PARP8: variants seen among roughly 807,000 people sequenced by gnomAD.
PARP8 encodes the protein protein mono-ADP-ribosyltransferase PARP8.
PARP8 carries 51 observed loss-of-function variants against 124.1 expected under a neutral mutation model. That is an observed-to-expected ratio of 0.41 (90% confidence interval 0.33 to 0.52). PARP8 has a LOEUF of 0.52. PARP8 is among the 20% of genes least tolerant of loss of function. PARP8 has a pLI of 0.21. For synonymous variants in PARP8, 391 were observed against 361.5 expected (o/e 1.08, Z -0.93); for missense variants, 860 against 1,018.9 (o/e 0.84, Z 2.12).
intron 10 of PARP8, among the ~76,000 whole-genome samples, chr5:50,790,694 A>C (rs1181903366): frequency 2.0e-5 from 3 of 152,198 alleles, no homozygotes; most frequent in African/African-American, 7.2e-5. Flanking sequence ...TCATGTATAT[A>C]ATCCCAACTC....
At chr5:50,837,693 G>T (rs1747737272) in intron 25 of PARP8, among the ~76,000 whole-genome samples, 1 of 151,756 alleles carries the variant, frequency 6.6e-6, no homozygotes, top group Non-Finnish European at 1.5e-5. Flanking sequence ...TTTCCAGCAA[G>T]TAAGCAGCAC....
At chr5:50,838,043 T>G (rs1331376030) in intron 25 of PARP8, among the ~76,000 whole-genome samples, 1 of 152,122 alleles carries the variant, frequency 6.6e-6, no homozygotes, top group Non-Finnish European at 1.5e-5. Context: ...TCAAAAGGGC[T>G]GGAGATGTGA....
At chr5:50,669,738 A>G (rs1579885728) in intron 2 of PARP8, among the ~76,000 whole-genome samples, 2 of 152,250 alleles carry the variant, frequency 1.3e-5, no homozygotes, top group East Asian at 3.8e-4. Context: ...AGTTTTCACC[A>G]TAGGAAGAAG....
chr5:50,845,757 A>G lies in PARP8; in HGVS notation c.*3689A>G, dbSNP rs1452003702. The G allele has an allele frequency of 2.0e-5, 3 of 151,726 alleles. No homozygotes were observed. The highest frequency in any genetic ancestry group is 3.0e-5 in the Non-Finnish European group (2 of 67,770). 9.4% of individuals were successfully genotyped at this position (151,726 alleles called of 1,614,324 possible). ...TGAGATTGATTTTCTACGTGGGCCA[A>G]TTTTATGTCCATTACCTAAAGCCAC... On this transcript the variant is annotated 3_prime_UTR_variant, in exon 26 of 26. Transcript: ENST00000281631.
At chr5:50,789,267 C>T (rs952219230) in intron 10 of PARP8, among the ~76,000 whole-genome samples, 2 of 151,968 alleles carry the variant, frequency 1.3e-5, no homozygotes, top group Non-Finnish European at 2.9e-5. Flanking sequence ...AAAGAAAACA[C>T]TGATAGAGCC....
intron 2 of PARP8, among the ~76,000 whole-genome samples, chr5:50,683,355 C>T (rs1344464978): frequency 3.7e-4 from 56 of 152,086 alleles, no homozygotes; most frequent in Non-Finnish European, 1.5e-5. Flanking sequence ...TCCCAGGAGA[C>T]AGGGAGATGT....
In PARP8 at chr5:50,843,035, A is replaced by G. The variant is rs1482275981; in HGVS notation, c.*967A>G. The G allele has an allele frequency of 6.6e-6, 1 of 151,680 alleles. No individual in the cohort carries two copies. Among genetic ancestry groups the G allele is most frequent in the Non-Finnish European group, 1.5e-5 (1 of 67,772 alleles). The allele number at this position is 151,680 out of a possible 1,614,324, so 9.4% of individuals were successfully genotyped here. A position where few individuals can be genotyped will look rare whatever the true frequency, so the allele number is the denominator to read the frequency against. On this transcript the variant is annotated 3_prime_UTR_variant, in exon 26 of 26. Transcript: ENST00000281631. ...TATACAATTTTATTTATGCCACACC[A>G]GCATTTTTATATTTGTTCATCTAAT...
rs1580144140 is a variant in PARP8, at chr5:50,735,863, G to A, written c.147-14288G>A. The stretch of plus-strand genomic sequence containing the variant: ...AACCTTATCTAGGTCAGGTAGGGCA[G>A]TGGGGGTGGAAGCTGGGGGAGGGCT... On this transcript the variant is annotated intron_variant, in intron 2 of 25. Coordinates refer to ENST00000281631, the MANE Select transcript of PARP8 (RefSeq NM_024615.4). Among the ~76,000 whole-genome samples, 3 of 151,940 alleles carry A rather than the reference G, an allele frequency of 2.0e-5. No homozygotes were observed. The South Asian group carries it at 6.3e-4, about 32-fold the overall frequency.
At chr5:50,718,177 G>T (rs1178287101) in intron 2 of PARP8, among the ~76,000 whole-genome samples, 1 of 151,944 alleles carries the variant, frequency 6.6e-6, no homozygotes, top group Non-Finnish European at 1.5e-5. Context: ...AGTTGAAGAG[G>T]TGAGAATATA....
At chr5:50,793,225 C>T (rs1279250505) in intron 10 of PARP8, among the ~76,000 whole-genome samples, 2 of 152,062 alleles carry the variant, frequency 1.3e-5, no homozygotes, top group Admixed American at 1.3e-4. Context: ...GATCCCAAAG[C>T]AATGTGTTAG....
rs556253513 is a variant in PARP8 at position 50,668,032 on chromosome 5, C to A, written c.92-39C>A. On this transcript the variant is annotated intron_variant, in intron 1 of 25. Coordinates refer to ENST00000281631, the MANE Select transcript of PARP8 (RefSeq NM_024615.4). ...GTCCTGATCGGGGTTAAAACAAATC[C>A]ACTCCAGGGGTAGCTTTTGACGGGA... 9.9e-6 allele frequency: 16 copies of A among 1,611,802 alleles called. 1 individual carries two copies. The highest frequency in any genetic ancestry group is 1.7e-5 in the Admixed American group (1 of 60,030).
chr5:50,806,105 G>T (rs547963522), intron 14 of PARP8, among the ~76,000 whole-genome samples: 1 of 151,992 alleles, frequency 6.6e-6, no homozygotes, highest in East Asian at 1.9e-4. Context: ...TGTGATCTGG[G>T]TATTCACAGT....
chr5:50,800,244 A>G (rs1743049566), intron 14 of PARP8, among the ~76,000 whole-genome samples: 1 of 152,142 alleles, frequency 6.6e-6, no homozygotes, highest in Non-Finnish European at 1.5e-5. Flanking sequence ...GTTCTTTGCT[A>G]TTATATAGAA....
intron 2 of PARP8, among the ~76,000 whole-genome samples, chr5:50,747,154 G>GTTTTTTTTTTTT (rs370243477): frequency 2.5e-4 from 31 of 121,880 alleles, no homozygotes; most frequent in African/African-American, 7.2e-4. Context: ...TTTTTTGTTT[G>GTTTTTTTTTTTT]TTTGTTTTGT....
intron 14 of PARP8, among the ~76,000 whole-genome samples, chr5:50,809,659 G>A (rs1031150433): frequency 4.6e-5 from 7 of 151,890 alleles, no homozygotes; most frequent in African/African-American, 1.2e-4. Flanking sequence ...TTATAGATAG[G>A]AAAAATGAGC....
rs1286891877 is a variant in PARP8, at chr5:50,814,012, C to T, written c.1576-1420C>T. On this transcript the variant is annotated intron_variant, in intron 14 of 25. Coordinates refer to ENST00000281631, the MANE Select transcript of PARP8 (RefSeq NM_024615.4). ...AGAGTATTGTTAAAAACAAAGTGCC[C>T]TTTGTGTCACTGTTTACTTCCTCAG... Among the ~76,000 whole-genome samples, 9 of 152,038 alleles carry T rather than the reference C, an allele frequency of 5.9e-5. No homozygotes were observed. In the East Asian group the frequency reaches 1.5e-3, roughly 26 times the overall value.
At chr5:50,761,554 A>T (rs1430752452) in intron 5 of PARP8, among the ~76,000 whole-genome samples, 6 of 152,098 alleles carry the variant, frequency 3.9e-5, no homozygotes, top group Non-Finnish European at 8.8e-5. Flanking sequence ...TTGATTATAC[A>T]TAAGTTTTTA....
intron 14 of PARP8, among the ~76,000 whole-genome samples, chr5:50,801,461 G>A (rs1457866924): frequency 2.6e-5 from 4 of 152,088 alleles, no homozygotes; most frequent in African/African-American, 4.8e-5. Flanking sequence ...GAATTGGTCC[G>A]TTTTGTCTCA....
chr5:50,811,144 A>G (rs1299664117), intron 14 of PARP8, among the ~76,000 whole-genome samples: 1 of 152,046 alleles, frequency 6.6e-6, no homozygotes, highest in Non-Finnish European at 1.5e-5. Flanking sequence ...TAAACCAAAA[A>G]CATACAGGAA....
Sources: allele counts gnomAD v4.1 joint callset (sites outside exome capture counted in the v4.1 genomes callset), GRCh38; gene constraint gnomAD v4.1.1; transcripts MANE v1.5; gene names NCBI Gene and HGNC (gene_info 2026-07-23, HGNC 2026-07-21).